The following PRKACB variants were observed in gnomAD, a reference collection of about 807,000 sequenced individuals.
PRKACB encodes protein kinase cAMP-activated catalytic subunit beta.
A neutral mutation model predicts 51.4 loss-of-function variants in PRKACB; 16 were observed. That is an observed-to-expected ratio of 0.31 (90% CI 0.21 to 0.47). PRKACB has a LOEUF of 0.47. Among genes scored for constraint, PRKACB ranks in the 20% least tolerant of loss-of-function variants. The pLI is 1.00. For synonymous variants in PRKACB, 147 were observed against 154.4 expected (o/e 0.95, Z 0.35); for missense variants, 309 against 464.5 (o/e 0.67, Z 3.08).
chr1:84,230,787 C>G (rs1247838041), intron 9 of PRKACB, among the ~76,000 whole-genome samples: 2 of 148,766 alleles, frequency 1.3e-5, no homozygotes, highest in Non-Finnish European at 2.9e-5. Flanking sequence ...GATTTTGTAT[C>G]CTGAGACTTT....
intron 9 of PRKACB, among the ~76,000 whole-genome samples, chr1:84,220,157 G>A (rs1367455215): frequency 6.6e-6 from 1 of 151,896 alleles, no homozygotes; most frequent in Non-Finnish European, 1.5e-5. Flanking sequence ...TTTTCTTGTA[G>A]AGGTCTTTCA....
intron 1 of PRKACB, among the ~76,000 whole-genome samples, chr1:84,119,298 C>T (rs1650870197): frequency 6.6e-6 from 1 of 151,866 alleles, no homozygotes; most frequent in South Asian, 2.1e-4. Context: ...TATTTTTATC[C>T]AAAACTTTAA....
At chr1:84,131,632 A>T (rs187594175) in intron 1 of PRKACB, among the ~76,000 whole-genome samples, 2 of 152,286 alleles carry the variant, frequency 1.3e-5, no homozygotes, top group Admixed American at 1.3e-4. Context: ...CCCATCAGAG[A>T]ACTGAGATTG....
chr1:84,195,112 A>T (rs1667850575), intron 5 of PRKACB, among the ~76,000 whole-genome samples: 1 of 152,204 alleles, frequency 6.6e-6, no homozygotes, highest in African/African-American at 2.4e-5. Flanking sequence ...CCCAGGTCAG[A>T]TGTTTCCCAG....
intron 1 of PRKACB, among the ~76,000 whole-genome samples, chr1:84,100,531 T>A (rs1335879726): frequency 1.3e-5 from 2 of 152,182 alleles, no homozygotes; most frequent in African/African-American, 4.8e-5. Context: ...TTAGAGAAGA[T>A]AAGATCACAC....
At chr1:84,164,575 A>G in intron 1 of PRKACB, 1 of 1,384,128 alleles carries the variant, frequency 7.2e-7, no homozygotes, top group Non-Finnish European at 9.6e-7. Flanking sequence ...AAAGCTTTAG[A>G]AAAGCTACGC....
At chr1:84,204,705 T>C (rs1671054689) in intron 8 of PRKACB, 1 of 969,514 alleles carries the variant, frequency 1.0e-6, no homozygotes, top group Non-Finnish European at 1.3e-6. Flanking sequence ...AATCATTTAA[T>C]TGACAGTAAT....
intron 1 of PRKACB, among the ~76,000 whole-genome samples, chr1:84,147,753 T>C (rs1256087544): frequency 1.3e-5 from 2 of 152,030 alleles, no homozygotes; most frequent in Admixed American, 6.6e-5. Flanking sequence ...AGAAGAAGGT[T>C]ATTTTAAGAA....
rs1266484145 is a variant in PRKACB, at chr1:84,236,225, C to T, written c.*920C>T. On this transcript the variant is annotated 3_prime_UTR_variant, in exon 10 of 10. Transcript: ENST00000370685. ...TTAAATTTTCTCTAATAGTCCTCAT[C>T]ATAAACTTTTTAAAGGAAAATAAGC... 3 of 152,564 alleles carry T rather than the reference C, an allele frequency of 2.0e-5. No homozygotes were observed. The highest frequency in any genetic ancestry group is 4.4e-5 in the Non-Finnish European group (3 of 68,012). 9.5% of individuals were successfully genotyped at this position (152,564 alleles called of 1,614,324 possible). A position where few individuals can be genotyped will look rare whatever the true frequency, so the allele number is the denominator to read the frequency against.
intron 1 of PRKACB, among the ~76,000 whole-genome samples, chr1:84,096,175 C>T (rs986145645): frequency 1.4e-4 from 21 of 152,132 alleles, no homozygotes; most frequent in East Asian, 3.9e-4. Flanking sequence ...TTACTCCTAT[C>T]GATGGAGCCT....
chr1:84,166,269 A>G (rs1026124749), intron 1 of PRKACB, among the ~76,000 whole-genome samples: 6 of 151,732 alleles, frequency 4.0e-5, no homozygotes, highest in Admixed American at 1.3e-4. Context: ...TAGGATTTCT[A>G]TGGATATCAA....
At chr1:84,217,359 C>T (rs551670911) in intron 9 of PRKACB, among the ~76,000 whole-genome samples, 4 of 152,148 alleles carry the variant, frequency 2.6e-5, no homozygotes, top group South Asian at 2.1e-4. Context: ...TTCATCACTG[C>T]AGTTCAGTCC....
At chr1:84,124,509 G>A (rs2100900733) in intron 1 of PRKACB, among the ~76,000 whole-genome samples, 1 of 152,292 alleles carries the variant, frequency 6.6e-6, no homozygotes, top group South Asian at 2.1e-4. Flanking sequence ...TAGTAATTAT[G>A]GGTGAAGGGG....
At chr1:84,193,543 T>G (rs963992271) in intron 5 of PRKACB, among the ~76,000 whole-genome samples, 2 of 152,176 alleles carry the variant, frequency 1.3e-5, no homozygotes, top group Non-Finnish European at 2.9e-5. Flanking sequence ...TTTTACGTTT[T>G]GGGACAAAGT....
At chr1:84,203,913 A>G (rs1170927088) in intron 8 of PRKACB, among the ~76,000 whole-genome samples, 1 of 152,016 alleles carries the variant, frequency 6.6e-6, no homozygotes, top group African/African-American at 2.4e-5. Flanking sequence ...GCCATATTCA[A>G]GCTCTACATT....
At chr1:84,206,746 C>T (rs1671400166) in intron 8 of PRKACB, among the ~76,000 whole-genome samples, 1 of 152,148 alleles carries the variant, frequency 6.6e-6, no homozygotes. Flanking sequence ...TTTGTACCAA[C>T]AGTGTAGGCA....
intron 1 of PRKACB, among the ~76,000 whole-genome samples, chr1:84,155,096 T>C (rs942475763): frequency 6.6e-6 from 1 of 152,150 alleles, no homozygotes; most frequent in African/African-American, 2.4e-5. Context: ...TAAAATCTTT[T>C]ACATGTGCAA....
chr1:84,151,803 C>G (rs1420927985), intron 1 of PRKACB, among the ~76,000 whole-genome samples: 1 of 152,148 alleles, frequency 6.6e-6, no homozygotes, highest in East Asian at 1.9e-4. Flanking sequence ...TAATTTTTTA[C>G]CACATCTGCA....
At chr1:84,078,242 G>C in exon 1 of PRKACB, 1 of 1,480,758 alleles carries the variant, frequency 6.8e-7, no homozygotes, top group Non-Finnish European at 9.2e-7. Context: ...GTGCAGACGC[G>C]GGAGTTGTCC....
Sources: gnomAD v4.1 joint callset for allele counts (sites outside exome capture counted in the v4.1 genomes callset) on GRCh38, gnomAD v4.1.1 for gene constraint, MANE v1.5 for transcripts, NCBI Gene and HGNC (gene_info 2026-07-23, HGNC 2026-07-21) for gene names.